CAMK4: variants seen among roughly 807,000 people sequenced by gnomAD.
The protein encoded by CAMK4 is calcium/calmodulin-dependent protein kinase type IV.
A neutral mutation model predicts 44.9 loss-of-function variants in CAMK4; 22 were observed. The observed-to-expected ratio is 0.49, with a 90% CI of 0.35 to 0.70. The LOEUF is 0.70. Ranked by LOEUF, CAMK4 falls within the 30% of genes least tolerant of loss-of-function variation. The pLI is 0.01. For synonymous variants in CAMK4, 218 were observed against 215.4 expected (o/e 1.01, Z -0.11); for missense variants, 498 against 586.8 (o/e 0.85, Z 1.56).
rs528349191 is a variant in CAMK4, at chr5:111,226,927, C to T, written c.161+2283C>T. Among the ~76,000 whole-genome samples the T allele has an allele frequency of 2.6e-5, 4 of 152,324 alleles. No individual in the cohort carries two copies. The East Asian group carries it at 7.7e-4, about 29-fold the overall frequency. On this transcript the variant is annotated intron_variant, in intron 1 of 10. Transcript: ENST00000282356. The stretch of plus-strand genomic sequence containing the variant: ...TCCTATTGGAGACCCTCTGTCTATA[C>T]ATTGCTAAGATTCTCGCTCTATTAT...
chr5:111,481,559 T>C (rs1038232848), intron 9 of CAMK4, among the ~76,000 whole-genome samples: 2 of 152,184 alleles, frequency 1.3e-5, no homozygotes, highest in Admixed American at 1.3e-4. Context: ...TATGTTCACG[T>C]CTCCTTAGGT....
chr5:111,312,400 A>G (rs1201377674), intron 1 of CAMK4, among the ~76,000 whole-genome samples: 10 of 152,190 alleles, frequency 6.6e-5, no homozygotes, highest in Non-Finnish European at 2.9e-5. Context: ...TAAAATAGCT[A>G]GCTTATAATG....
chr5:111,467,659 C>T (rs1754890529), intron 7 of CAMK4, among the ~76,000 whole-genome samples: 1 of 152,124 alleles, frequency 6.6e-6, no homozygotes, highest in African/African-American at 2.4e-5. Flanking sequence ...GCAATGCCAC[C>T]TTACTCCTGC....
intron 1 of CAMK4, among the ~76,000 whole-genome samples, chr5:111,323,701 A>T (rs1748756792): frequency 6.6e-6 from 1 of 152,136 alleles, no homozygotes; most frequent in Admixed American, 6.6e-5. Flanking sequence ...ACATTTTAAA[A>T]TAAATGAAAA....
intron 1 of CAMK4, among the ~76,000 whole-genome samples, chr5:111,248,222 A>T (rs1020218963): frequency 5.3e-5 from 8 of 152,228 alleles, no homozygotes; most frequent in African/African-American, 1.9e-4. Flanking sequence ...GTGGAAATTT[A>T]ATAAATGTTG....
intron 1 of CAMK4, among the ~76,000 whole-genome samples, chr5:111,278,259 C>T (rs1750857996): frequency 1.3e-5 from 2 of 152,154 alleles, no homozygotes; most frequent in African/African-American, 2.4e-5. Flanking sequence ...GCCCTGGACA[C>T]GTGGGAGTGC....
intron 1 of CAMK4, among the ~76,000 whole-genome samples, chr5:111,244,439 G>A (rs1293970855): frequency 6.6e-6 from 1 of 152,204 alleles, no homozygotes; most frequent in Non-Finnish European, 1.5e-5. Flanking sequence ...TAGCCTTGAT[G>A]TTGGTTTGCA....
At chr5:111,370,041 A>T (rs1443681381) in intron 2 of CAMK4, among the ~76,000 whole-genome samples, 2 of 152,154 alleles carry the variant, frequency 1.3e-5, no homozygotes, top group African/African-American at 4.8e-5. Flanking sequence ...AACCCTACGT[A>T]TACCCTGAAA....
intron 1 of CAMK4, among the ~76,000 whole-genome samples, chr5:111,237,639 T>C (rs1337143076): frequency 6.6e-5 from 10 of 152,240 alleles, no homozygotes; most frequent in African/African-American, 2.2e-4. Flanking sequence ...AAAGTATGTT[T>C]CCTGGCTTCC....
At position 111,493,827 on chromosome 5, in the gene CAMK4, T is replaced by A. The variant is rs991246209; in HGVS notation, c.*9361T>A. 14 of 152,214 alleles carry A rather than the reference T, an allele frequency of 9.2e-5. No homozygotes were observed. The highest frequency in any genetic ancestry group is 3.9e-4 in the Admixed American group (6 of 15,272). The allele number at this position is 152,214 out of a possible 1,614,324, so 9.4% of individuals were successfully genotyped here. ...TGTCTTGCCTCTTTATTTCAGATAA[T>A]GCCTGTGATTAGTGAATGGCGGCAT... On this transcript the variant is annotated 3_prime_UTR_variant, in exon 11 of 11. Coordinates refer to ENST00000282356, the MANE Select transcript of CAMK4 (RefSeq NM_001744.6). The surrounding 1 kb of genome is among the most constrained non-coding windows in gnomAD (Gnocchi z 4.1).
In CAMK4 at chr5:111,446,704, A is replaced by G. The variant is rs1754041367; in HGVS notation, c.478A>G (p.Ile160Val). Residue 160 changes from isoleucine (I) to valine (V), a missense_variant, in exon 6 of 11, where the codon ATT becomes GTT. Coordinates refer to ENST00000282356, the MANE Select transcript of CAMK4 (RefSeq NM_001744.6). ...EAVAYLHENGIVHRDLKPENL... is the reference protein window; with the variant it reads ...EAVAYLHENGVVHRDLKPENL... ...TCTTTAGTATCTACATGAAAATGGGATTGTCCATCGTGATCTCAAACCAGA... is the reference window on the plus strand; with the variant it reads ...TCTTTAGTATCTACATGAAAATGGGGTTGTCCATCGTGATCTCAAACCAGA... The G allele has an allele frequency of 1.3e-6, 2 of 1,586,270 alleles. No individual in the cohort carries two copies. Among genetic ancestry groups the G allele is most frequent in the Admixed American group, 1.7e-5 (1 of 57,780 alleles).
chr5:111,399,816 T>C (rs1209158034), intron 5 of CAMK4, among the ~76,000 whole-genome samples: 1 of 152,196 alleles, frequency 6.6e-6, no homozygotes, highest in East Asian at 1.9e-4. Flanking sequence ...TTTACCTCTG[T>C]CCGTTCAGAT....
At chr5:111,299,618 ATTATAT>A (rs1747637143) in intron 1 of CAMK4, among the ~76,000 whole-genome samples, 2 of 152,164 alleles carry the variant, frequency 1.3e-5, no homozygotes. Context: ...GAATATATTG[ATTATAT>A]TTAGTATGTT....
intron 4 of CAMK4, among the ~76,000 whole-genome samples, chr5:111,383,981 G>C (rs1453638784): frequency 6.6e-6 from 1 of 152,162 alleles, no homozygotes; most frequent in African/African-American, 2.4e-5. Context: ...CAAAACAGTG[G>C]TTTCCTAGGT....
chr5:111,224,123 G>C (rs74294411), upstream of CAMK4: 4,921 of 187,316 alleles, frequency 0.026, 261 homozygotes, highest in African/African-American at 0.11. This position sits in a 1 kb window ranked among gnomAD's most constrained non-coding sequence, Gnocchi z 5.7. Flanking sequence ...CCGGCACCGC[G>C]GCAGCCACAG....
At chr5:111,412,251 T>TA (rs1417149869) in intron 5 of CAMK4, among the ~76,000 whole-genome samples, 1 of 152,028 alleles carries the variant, frequency 6.6e-6, no homozygotes, top group Non-Finnish European at 1.5e-5. Flanking sequence ...ACATTCAGTC[T>TA]AAAAAAACAG....
At position 111,308,424 on chromosome 5, in the gene CAMK4, G is replaced by A. The variant is rs555042381; in HGVS notation, c.162-35600G>A. Among the ~76,000 whole-genome samples the A allele has an allele frequency of 2.0e-5, 3 of 152,194 alleles. No homozygotes were observed. The South Asian group carries it at 6.2e-4, about 32-fold the overall frequency. ...ATAAGGATTACTAAAGAATATTTTT[G>A]TTTTATGAAATAATTGATCAGTGTT... On this transcript the variant is annotated intron_variant, in intron 1 of 10. Transcript: ENST00000282356.
At chr5:111,433,914 TG>T (rs1169988665) in intron 5 of CAMK4, among the ~76,000 whole-genome samples, 1 of 152,216 alleles carries the variant, frequency 6.6e-6, no homozygotes, top group African/African-American at 2.4e-5. Context: ...TGACTTGTTT[TG>T]TTTTTAAATC....
At chr5:111,413,725 G>A (rs540259545) in intron 5 of CAMK4, among the ~76,000 whole-genome samples, 1 of 152,220 alleles carries the variant, frequency 6.6e-6, no homozygotes, top group South Asian at 2.1e-4. Flanking sequence ...CCAAGAGTCA[G>A]TAGATTTGGT....
Sources: gnomAD v4.1 joint callset for allele counts (sites outside exome capture counted in the v4.1 genomes callset) on GRCh38, gnomAD v4.1.1 for gene constraint, Gnocchi (gnomAD v3.1) non-coding constraint, MANE v1.5 for transcripts, NCBI Gene and HGNC (gene_info 2026-07-23, HGNC 2026-07-21) for gene names.